Variants in PAK1IP1 observed in about 807,000 individuals in gnomAD.
PAK1IP1 encodes the protein p21-activated protein kinase-interacting protein 1.
PAK1IP1 carries 24 observed loss-of-function variants against 42.0 expected under a neutral mutation model. The ratio of observed to expected loss-of-function variants is 0.57; its 90% CI spans 0.41 to 0.80. PAK1IP1 has a LOEUF of 0.80. PAK1IP1 is among the 30% of genes least tolerant of loss of function. PAK1IP1 has a pLI of 0.00. For synonymous variants in PAK1IP1, 154 were observed against 156.7 expected (o/e 0.98, Z 0.13); for missense variants, 411 against 467.9 (o/e 0.88, Z 1.12).
chr6:10,703,028 A>G (rs1481583746), intron 4 of PAK1IP1, among the ~76,000 whole-genome samples: 1 of 151,832 alleles, frequency 6.6e-6, no homozygotes, highest in Non-Finnish European at 1.5e-5. Context: ...GATGGTCTTG[A>G]TCTCCTGACC....
chr6:10,698,760 A>G (rs1769935660), intron 2 of PAK1IP1, among the ~76,000 whole-genome samples: 1 of 152,226 alleles, frequency 6.6e-6, no homozygotes, highest in Non-Finnish European at 1.5e-5. Context: ...ATCAGTTTGC[A>G]AGATTTTCTG....
chr6:10,700,970 C>T (rs1770008964), intron 2 of PAK1IP1, among the ~76,000 whole-genome samples: 1 of 152,106 alleles, frequency 6.6e-6, no homozygotes, highest in Non-Finnish European at 1.5e-5. Flanking sequence ...CTTTCTAATG[C>T]TCTCCTTCCC....
intron 7 of PAK1IP1, 101 bp downstream of exon 7, chr6:10,704,945 AAAT>A (rs1770155034): frequency 1.3e-6 from 1 of 753,972 alleles, no homozygotes; most frequent in Admixed American, 1.9e-5. Context: ...ACAACTGCAG[AAAT>A]AATCAGACAT....
At chr6:10,698,479 C>T (rs1769926298) in intron 2 of PAK1IP1, among the ~76,000 whole-genome samples, 1 of 152,142 alleles carries the variant, frequency 6.6e-6, no homozygotes, top group African/African-American at 2.4e-5. Flanking sequence ...CACTGGTGTT[C>T]ATAGGGAACC....
At chr6:10,693,798 G>A (rs1020416848), upstream of PAK1IP1, among the ~76,000 whole-genome samples, 9 of 152,000 alleles carry the variant, frequency 5.9e-5, no homozygotes, top group Admixed American at 2.0e-4. Flanking sequence ...GAGCGATCTC[G>A]GCTCACTGCA....
intron 2 of PAK1IP1, among the ~76,000 whole-genome samples, chr6:10,698,710 G>A (rs1023083575): frequency 2.0e-5 from 3 of 152,180 alleles, no homozygotes; most frequent in African/African-American, 7.2e-5. Flanking sequence ...GACTGATGAA[G>A]GCCTGCCCCA....
upstream of PAK1IP1, chr6:10,694,494 C>T (rs1311072909): frequency 3.2e-5 from 5 of 156,752 alleles, no homozygotes; most frequent in Non-Finnish European, 5.7e-5. Context: ...CCCTCCTTAC[C>T]CTATTAACGA....
At chr6:10,702,999 G>A (rs1770082507) in intron 4 of PAK1IP1, among the ~76,000 whole-genome samples, 1 of 152,008 alleles carries the variant, frequency 6.6e-6, no homozygotes, top group South Asian at 2.1e-4. Context: ...TAGAGACGGG[G>A]TTTCACCGTG....
chr6:10,692,797 T>G (rs1769459538), upstream of PAK1IP1, among the ~76,000 whole-genome samples: 1 of 152,164 alleles, frequency 6.6e-6, no homozygotes, highest in South Asian at 2.1e-4. Context: ...GTGCTGGGAT[T>G]ACAGGAGTGA....
At chr6:10,703,102 G>A (rs971927252) in intron 4 of PAK1IP1, among the ~76,000 whole-genome samples, 1 of 152,192 alleles carries the variant, frequency 6.6e-6, no homozygotes, top group Admixed American at 6.5e-5. Flanking sequence ...ACCACGCCCA[G>A]CCAACAAGCT....
At chr6:10,698,409 C>T (rs756851280) in intron 2 of PAK1IP1, among the ~76,000 whole-genome samples, 6 of 152,200 alleles carry the variant, frequency 3.9e-5, no homozygotes, top group African/African-American at 7.2e-5. Context: ...CTTGACTTGC[C>T]GAAGGTCTCA....
chr6:10,709,153 A>C, intron 9 of PAK1IP1, 77 bp downstream of exon 9: 1 of 1,513,262 alleles, frequency 6.6e-7, no homozygotes, highest in East Asian at 2.3e-5. Context: ...AGATCCAGAT[A>C]ATTTCACTTT....
In PAK1IP1 at chr6:10,705,367, G is replaced by A. The variant is rs150227619; in HGVS notation, c.740+523G>A. Among the ~76,000 whole-genome samples, 642 of 152,220 alleles carry A rather than the reference G, an allele frequency of 4.2e-3. 3 individuals carry two copies. The highest frequency in any genetic ancestry group is 0.014 in the African/African-American group (600 of 41,532). On this transcript the variant is annotated intron_variant, in intron 7 of 9. Transcript: ENST00000379568. ...AAGTGGTGAAATTGTTTTCTGGACT[G>A]TCATTTACACAAGGTATTTTTTAAA...
At position 10,704,592 on chromosome 6, in the gene PAK1IP1, T is replaced by C; in HGVS notation, c.582T>C (p.Thr194=). The C allele has an allele frequency of 1.2e-6, 2 of 1,606,950 alleles. No individual in the cohort carries two copies. The highest frequency in any genetic ancestry group is 1.7e-6 in the Non-Finnish European group (2 of 1,174,340). Residue 194 remains threonine, a synonymous_variant, in exon 6 of 10, where the codon ACT becomes ACC. Coordinates refer to ENST00000379568, the MANE Select transcript of PAK1IP1 (RefSeq NM_017906.3). ...AAATAGACATCTATCAGCTTGACAC[T>C]GCATCCATTAGTGGCACCATCACAA... is the stretch of plus-strand genomic sequence containing the variant. The part of the protein sequence containing the change: ...QNKIDIYQLD[T]ASISGTITNE...
upstream of PAK1IP1, chr6:10,694,588 TACAGCCC>T: frequency 2.8e-5 from 5 of 176,914 alleles, no homozygotes; most frequent in South Asian, 1.0e-4. Flanking sequence ...CTGCCGGCGC[TACAGCCC>T]CTAAGCAACC....
Position 10,709,027 on chromosome 6 carries a change from A to G in PAK1IP1, c.915A>G (p.Lys305=), listed in dbSNP as rs1486290249. The part of the protein sequence containing the change: ...RLTCLGVWLD[K]VADMKESLPP... The stretch of plus-strand genomic sequence containing the variant: ...CGTGTCTTGGAGTGTGGCTAGACAA[A>G]GTGGCAGACATGAAAGAAAGCCTTC... Residue 305 remains lysine (K), a synonymous_variant, in exon 9 of 10, where the codon AAA becomes AAG. Coordinates refer to ENST00000379568, the MANE Select transcript of PAK1IP1 (RefSeq NM_017906.3). The G allele has an allele frequency of 6.2e-7, 1 of 1,613,142 alleles. No homozygotes were observed. The highest frequency in any genetic ancestry group is 1.7e-5 in the Admixed American group (1 of 60,020).
chr6:10,691,729 C>T (rs546046905), upstream of PAK1IP1, among the ~76,000 whole-genome samples: 13 of 152,262 alleles, frequency 8.5e-5, no homozygotes, highest in South Asian at 2.5e-3. Flanking sequence ...GGATTCAAAA[C>T]CCCTGAAATT....
At chr6:10,694,600 G>GTGTA, upstream of PAK1IP1, 1 of 173,900 alleles carries the variant, frequency 5.8e-6, no homozygotes. Flanking sequence ...CAGCCCCTAA[G>GTGTA]CAACCGGCCG....
chr6:10,703,019 A>G (rs1191086821), intron 4 of PAK1IP1, among the ~76,000 whole-genome samples: 1 of 152,016 alleles, frequency 6.6e-6, no homozygotes, highest in Non-Finnish European at 1.5e-5. Context: ...GTTAGCCAGG[A>G]TGGTCTTGAT....
Sources: allele counts gnomAD v4.1 joint callset (sites outside exome capture counted in the v4.1 genomes callset), GRCh38; gene constraint gnomAD v4.1.1; transcripts MANE v1.5; gene names NCBI Gene and HGNC (gene_info 2026-07-23, HGNC 2026-07-21).